PITPNB: variants seen among roughly 807,000 people sequenced by gnomAD.
PITPNB encodes the protein phosphatidylinositol transfer protein beta isoform.
PITPNB carries 16 observed loss-of-function variants against 45.9 expected under a neutral mutation model. The observed-to-expected ratio is 0.35, with a 90% CI of 0.24 to 0.53. The LOEUF is 0.53. PITPNB is among the 20% of genes least tolerant of loss of function. The pLI, the probability that PITPNB is intolerant of heterozygous loss-of-function variation, is 0.93. For missense variants in PITPNB, 188 were observed against 330.5 expected (o/e 0.57, Z 3.34); for synonymous variants, 112 against 108.9 (o/e 1.03, Z -0.18).
At chr22:27,856,552 G>C (rs1482258983) in intron 10 of PITPNB, among the ~76,000 whole-genome samples, 1 of 152,212 alleles carries the variant, frequency 6.6e-6, no homozygotes, top group Non-Finnish European at 1.5e-5. Context: ...TCCAGAGATA[G>C]GTAGGGTTTA....
At chr22:27,885,595 G>C (rs537214201) in intron 7 of PITPNB, among the ~76,000 whole-genome samples, 1 of 152,170 alleles carries the variant, frequency 6.6e-6, no homozygotes, top group Admixed American at 6.5e-5. Context: ...CTGCAGCCTC[G>C]AACTCCTGAA....
At chr22:27,883,870 G>A (rs1254281294) in intron 7 of PITPNB, among the ~76,000 whole-genome samples, 2 of 152,200 alleles carry the variant, frequency 1.3e-5, no homozygotes, top group Non-Finnish European at 2.9e-5. Flanking sequence ...ACAGGACGGG[G>A]GAGGTGTGAG....
chr22:27,882,088 C>T (rs1260384991), intron 7 of PITPNB, among the ~76,000 whole-genome samples: 1 of 152,174 alleles, frequency 6.6e-6, no homozygotes, highest in East Asian at 1.9e-4. Context: ...AAAAGATACA[C>T]CAAATCCTTC....
In PITPNB at chr22:27,853,532, AGAACCTGTGCATGT is replaced by A; in HGVS notation, c.*156_*169del. On this transcript the variant is annotated 3_prime_UTR_variant, in exon 12 of 12. Transcript: ENST00000335272. ...ACATACATATATACACACGTGGTTGAGAACCTGTGCATGTGTGTGTATCATCACAAGCACACATC... is the reference window on the plus strand; with the variant it reads ...ACATACATATATACACACGTGGTTGAGTGTGTATCATCACAAGCACACATC... 9.2e-7 allele frequency: 1 copy of A among 1,088,110 alleles called. No homozygotes were observed. The highest frequency in any genetic ancestry group is 1.3e-5 in the South Asian group (1 of 74,800). The allele number at this position is 1,088,110 out of a possible 1,614,324, so 67.4% of individuals were successfully genotyped here.
chr22:27,906,901 T>C (rs1276676524), intron 3 of PITPNB, among the ~76,000 whole-genome samples: 3 of 152,202 alleles, frequency 2.0e-5, no homozygotes, highest in African/African-American at 4.8e-5. Flanking sequence ...TTCTCAACCT[T>C]CTGGTTGAGA....
intron 7 of PITPNB, among the ~76,000 whole-genome samples, chr22:27,885,212 T>TTAAAAAAAAAAAAAAAAAAA (rs1569019261): frequency 3.3e-5 from 1 of 30,192 alleles, no homozygotes; most frequent in East Asian, 1.2e-3. Flanking sequence ...AATTTATACC[T>TTAAAAAAAAAAAAAAAAAAA]AAAAAAAAAA....
At chr22:27,871,818 C>T (rs548067251) in intron 8 of PITPNB, among the ~76,000 whole-genome samples, 16 of 152,276 alleles carry the variant, frequency 1.1e-4, no homozygotes, top group Non-Finnish European at 1.9e-4. Context: ...AAGCCTCTAA[C>T]AGGTGTTTGC....
chr22:27,892,876 T>C (rs976082076), intron 7 of PITPNB, among the ~76,000 whole-genome samples: 2 of 152,100 alleles, frequency 1.3e-5, no homozygotes, highest in Admixed American at 1.3e-4. Context: ...CCTAGCAGAG[T>C]TGGCCCAGCC....
intron 7 of PITPNB, among the ~76,000 whole-genome samples, chr22:27,882,352 TG>T (rs1462584475): frequency 2.0e-5 from 3 of 152,156 alleles, no homozygotes; most frequent in Non-Finnish European, 4.4e-5. Context: ...ACTAAATGTA[TG>T]GAAAAGCAAA....
At chr22:27,908,801 C>T (rs16985706) in intron 3 of PITPNB, among the ~76,000 whole-genome samples, 5,524 of 152,050 alleles carry the variant, frequency 0.036, 152 homozygotes, top group African/African-American at 0.069. Flanking sequence ...TAATAGAAAC[C>T]ATGAAAAGAC....
chr22:27,872,147 G>A lies in PITPNB; in HGVS notation c.534+1591C>T, dbSNP rs147708448. ...CTCACTCTGTCGCCCAGGTTGGAGT[G>A]CAATGGTGCAATCTTAGCTCACTGC... On this transcript the variant is annotated intron_variant, in intron 8 of 11. Transcript: ENST00000335272. Among the ~76,000 whole-genome samples the A allele has an allele frequency of 3.7e-3, 461 of 124,678 alleles. 5 individuals are homozygous for A. Among genetic ancestry groups the A allele is most frequent in the African/African-American group, 0.013 (421 of 32,382 alleles). 81.8% of individuals were successfully genotyped at this position (124,678 alleles called of 152,430 possible).
intron 10 of PITPNB, among the ~76,000 whole-genome samples, chr22:27,855,672 C>A (rs1934151778): frequency 6.6e-6 from 1 of 152,186 alleles, no homozygotes; most frequent in African/African-American, 2.4e-5. Flanking sequence ...ACCTAAAGTC[C>A]TCCTTCAGCT....
At chr22:27,898,602 C>A (rs1168552747) in intron 3 of PITPNB, among the ~76,000 whole-genome samples, 6 of 152,000 alleles carry the variant, frequency 3.9e-5, no homozygotes, top group African/African-American at 1.4e-4. Context: ...AAGGAGATAT[C>A]TCTGAATAAA....
chr22:27,911,369 T>A (rs1205592543), intron 2 of PITPNB, among the ~76,000 whole-genome samples: 1 of 152,240 alleles, frequency 6.6e-6, no homozygotes, highest in Non-Finnish European at 1.5e-5. Flanking sequence ...AATACTCTGG[T>A]GCCTTTACAC....
chr22:27,875,468 T>A (rs1300016129), intron 7 of PITPNB, among the ~76,000 whole-genome samples: 1 of 152,200 alleles, frequency 6.6e-6, no homozygotes, highest in Non-Finnish European at 1.5e-5. Context: ...TAAAAATGAA[T>A]AACTCCACTT....
intron 3 of PITPNB, among the ~76,000 whole-genome samples, chr22:27,907,014 A>G (rs1569033111): frequency 6.6e-6 from 1 of 152,234 alleles, no homozygotes; most frequent in Non-Finnish European, 1.5e-5. Flanking sequence ...TAGATCTCAG[A>G]ATTTCAAGTA....
intron 10 of PITPNB, among the ~76,000 whole-genome samples, chr22:27,857,132 T>C (rs1934196918): frequency 6.6e-6 from 1 of 152,100 alleles, no homozygotes; most frequent in South Asian, 2.1e-4. Flanking sequence ...CTAATATTAG[T>C]ATGAGAAATT....
intron 1 of PITPNB, 44 bp from the exon 2 acceptor site, chr22:27,914,391 G>C: frequency 2.6e-6 from 3 of 1,174,724 alleles, no homozygotes; most frequent in Non-Finnish European, 3.8e-6. Flanking sequence ...ATATGAAATA[G>C]CTTTAAACAC....
chr22:27,897,590 G>C (rs981863623), intron 4 of PITPNB, among the ~76,000 whole-genome samples: 2 of 152,136 alleles, frequency 1.3e-5, no homozygotes, highest in Non-Finnish European at 2.9e-5. Flanking sequence ...ACCCCAAAGT[G>C]GCTGCCATGT....
Sources: allele counts gnomAD v4.1 joint callset (sites outside exome capture counted in the v4.1 genomes callset), GRCh38; gene constraint gnomAD v4.1.1; transcripts MANE v1.5; gene names NCBI Gene and HGNC (gene_info 2026-07-23, HGNC 2026-07-21).